TBC1D5: variants seen among roughly 807,000 people sequenced by gnomAD.
The protein encoded by TBC1D5 is TBC1 domain family member 5.
Under a neutral mutation model 100.3 loss-of-function variants are expected in TBC1D5, and 75 were observed. That is an observed-to-expected ratio of 0.75 (90% CI 0.62 to 0.91). The LOEUF is 0.91. TBC1D5 is among the 40% of genes least tolerant of loss of function. TBC1D5 has a pLI of 0.00. For missense variants in TBC1D5, 910 were observed against 942.4 expected (o/e 0.97, Z 0.45); for synonymous variants, 323 against 325.6 (o/e 0.99, Z 0.09).
chr3:17,715,824 C>T (rs1380696413), intron 1 of TBC1D5, among the ~76,000 whole-genome samples: 1 of 151,754 alleles, frequency 6.6e-6, no homozygotes, highest in African/African-American at 2.4e-5. Context: ...GGGGGGAGGC[C>T]GAGGTGGGAG....
chr3:17,364,904 T>C (rs2092004975), intron 13 of TBC1D5, among the ~76,000 whole-genome samples: 1 of 152,184 alleles, frequency 6.6e-6, no homozygotes, highest in Admixed American at 6.5e-5. Context: ...CTCTATATGA[T>C]TTTTTTCATT....
intron 15 of TBC1D5, among the ~76,000 whole-genome samples, chr3:17,262,071 T>A (rs1260347489): frequency 6.6e-6 from 1 of 152,216 alleles, no homozygotes; most frequent in Non-Finnish European, 1.5e-5. Flanking sequence ...CAATTGGCAA[T>A]TACAGTCATG....
intron 19 of TBC1D5, among the ~76,000 whole-genome samples, chr3:17,174,115 C>T (rs1035702466): frequency 1.3e-5 from 2 of 152,184 alleles, no homozygotes; most frequent in African/African-American, 4.8e-5. Context: ...AAGTCCACCT[C>T]AAACTTACCA....
intron 1 of TBC1D5, among the ~76,000 whole-genome samples, chr3:17,690,422 T>C (rs2070973153): frequency 2.3e-5 from 1 of 44,370 alleles, no homozygotes; most frequent in African/African-American, 7.1e-5. Flanking sequence ...TTCACCGTTT[T>C]AGCCGGGATG....
At chr3:17,307,894 C>T in intron 14 of TBC1D5, 98 bp downstream of exon 14, 1 of 1,485,460 alleles carries the variant, frequency 6.7e-7, no homozygotes, top group South Asian at 1.3e-5. Context: ...GAGGTACATG[C>T]AAATCAAATA....
At chr3:17,233,692 G>T in intron 17 of TBC1D5, 1 of 1,527,144 alleles carries the variant, frequency 6.5e-7, no homozygotes, top group Non-Finnish European at 8.9e-7. Flanking sequence ...TACCTTGGAG[G>T]TCAGTTAGAG....
chr3:17,561,876 A>T (rs1397790084), intron 2 of TBC1D5: 3 of 152,262 alleles, frequency 2.0e-5, no homozygotes, highest in Admixed American at 2.0e-4. Flanking sequence ...CAAAAATGCA[A>T]GGGCAGTTAA....
intron 19 of TBC1D5, among the ~76,000 whole-genome samples, chr3:17,178,611 C>G (rs1231943154): frequency 1.3e-5 from 2 of 152,018 alleles, no homozygotes; most frequent in African/African-American, 4.8e-5. Context: ...AGTAGCTGTA[C>G]CAATTTATGT....
intron 15 of TBC1D5, among the ~76,000 whole-genome samples, chr3:17,271,330 G>T (rs753186168): frequency 6.6e-6 from 1 of 152,118 alleles, no homozygotes; most frequent in African/African-American, 2.4e-5. Context: ...GACCTTTCAT[G>T]TCCTTGGGAA....
At chr3:17,567,420 A>C (rs1379341831) in intron 2 of TBC1D5, among the ~76,000 whole-genome samples, 1 of 151,828 alleles carries the variant, frequency 6.6e-6, no homozygotes, top group Non-Finnish European at 1.5e-5. Flanking sequence ...GATATGATAT[A>C]TAATTAATAG....
chr3:17,358,186 G>GTT (rs1415537442), intron 13 of TBC1D5, among the ~76,000 whole-genome samples: 2 of 151,446 alleles, frequency 1.3e-5, no homozygotes, highest in African/African-American at 4.9e-5. Context: ...TTGTTTGTTT[G>GTT]TTTTTGTTTT....
intron 3 of TBC1D5, among the ~76,000 whole-genome samples, chr3:17,429,290 T>A (rs7625855): frequency 0.51 from 76,705 of 151,602 alleles, 21,281 homozygotes; most frequent in African/African-American, 0.72. Flanking sequence ...CAATGCCCCG[T>A]TGTTATATAT....
At position 17,207,832 on chromosome 3, in the gene TBC1D5, T is replaced by C. The variant is rs1646227824; in HGVS notation, c.1752+6375A>G. 2.0e-5 allele frequency among the ~76,000 whole-genome samples: 3 copies of C among 152,198 alleles called. No individual in the cohort carries two copies. The South Asian group carries it at 6.2e-4, about 31-fold the overall frequency. On this transcript the variant is annotated intron_variant, in intron 18 of 21. Transcript: ENST00000253692. The stretch of plus-strand genomic sequence containing the variant: ...TAGACTGATAGCTACTACTATATTA[T>C]TTTAGGTTTTATGTCTCTTTCTACC...
chr3:17,602,414 A>T (rs995167257), intron 2 of TBC1D5, among the ~76,000 whole-genome samples: 1 of 152,148 alleles, frequency 6.6e-6, no homozygotes, highest in Non-Finnish European at 1.5e-5. Flanking sequence ...GCTCAGTACT[A>T]AAAGAAAGCT....
chr3:17,350,517 T>C (rs1217747173), intron 13 of TBC1D5, among the ~76,000 whole-genome samples: 2 of 152,160 alleles, frequency 1.3e-5, no homozygotes, highest in African/African-American at 2.4e-5. Flanking sequence ...GAATGTGTAC[T>C]ACCTGCATGT....
intron 1 of TBC1D5, among the ~76,000 whole-genome samples, chr3:17,728,613 C>T (rs114222821): frequency 0.01 from 1,553 of 151,908 alleles, 24 homozygotes; most frequent in African/African-American, 0.036. Flanking sequence ...AAAGGTGGTG[C>T]TTCAAATCTG....
chr3:17,316,020 G>A (rs1357792157), intron 13 of TBC1D5, among the ~76,000 whole-genome samples: 1 of 152,152 alleles, frequency 6.6e-6, no homozygotes, highest in African/African-American at 2.4e-5. Context: ...AGTTAGCAGC[G>A]ACTGACCAAG....
intron 17 of TBC1D5, among the ~76,000 whole-genome samples, chr3:17,216,204 C>A (rs1419851685): frequency 6.6e-6 from 1 of 152,048 alleles, no homozygotes; most frequent in Non-Finnish European, 1.5e-5. Context: ...AGCTGATAGC[C>A]TTTAGCTATT....
At chr3:17,742,439 G>C (rs1411783969), upstream of TBC1D5, 1 of 153,016 alleles carries the variant, frequency 6.5e-6, no homozygotes, top group African/African-American at 2.4e-5. Flanking sequence ...GCGTTCAGAG[G>C]GCTTGGGCTT....
Sources: allele counts gnomAD v4.1 joint callset (sites outside exome capture counted in the v4.1 genomes callset), GRCh38; gene constraint gnomAD v4.1.1; transcripts MANE v1.5; gene names NCBI Gene and HGNC (gene_info 2026-07-23, HGNC 2026-07-21).